The following ZBTB41 variants were observed in gnomAD, a reference collection of about 807,000 sequenced individuals.
ZBTB41 encodes zinc finger and BTB domain-containing protein 41.
In ZBTB41, 42 loss-of-function variants were observed where a neutral mutation model predicts 87.6. The observed-to-expected ratio is 0.48, with a 90% CI of 0.37 to 0.62. The LOEUF (loss-of-function observed/expected upper bound fraction) is 0.62. Ranked by LOEUF, ZBTB41 falls within the 20% of genes least tolerant of loss-of-function variation. The probability of loss-of-function intolerance (pLI) is 0.00; values close to 1 mark genes in which losing one functional copy is unlikely to be tolerated. For missense variants in ZBTB41, 799 were observed against 1,078.9 expected, an observed-to-expected ratio of 0.74 and a Z score of 3.63; for synonymous variants, 364 against 364.0, an observed-to-expected ratio of 1.00 and a Z score of 0.00.
At chr1:197,164,637 C>T (rs1659272368) in intron 10 of ZBTB41, among the ~76,000 whole-genome samples, 1 of 145,360 alleles carries the variant, frequency 6.9e-6, no homozygotes, top group Non-Finnish European at 1.5e-5. Flanking sequence ...TATAAAAGAC[C>T]ATTCAACAGA....
In ZBTB41 at chr1:197,191,747, G is replaced by A; in HGVS notation, c.1273C>T (p.Pro425Ser). 1 of 1,613,506 alleles carries A rather than the reference G, an allele frequency of 6.2e-7. No homozygotes were observed. Among genetic ancestry groups the A allele is most frequent in the Admixed American group, 1.7e-5 (1 of 59,974 alleles). Residue 425 changes from proline (P) to serine (S), a missense_variant, in exon 3 of 11, where the codon CCT becomes TCT. Physicochemically the swap from Pro to Ser is moderately conservative, Grantham distance 74 (BLOSUM62 -1). Transcript: ENST00000367405. ...CTTGCATGAAGTTTATTACAATAAG[G>A]GCACTTGTGCTCCTTCTTATGAAAT... Reference protein sequence around the residue: ...TEFHKKEHKCPYCNKLHASKK... With the variant: ...TEFHKKEHKCSYCNKLHASKK...
At chr1:197,176,542 A>G in intron 8 of ZBTB41, 22 bp downstream of exon 8, 1 of 1,521,884 alleles carries the variant, frequency 6.6e-7, no homozygotes, top group Non-Finnish European at 9.1e-7. Context: ...TTTTCGAACT[A>G]GCATTACAAA....
At chr1:197,194,618 G>GAA (rs71131750) in intron 2 of ZBTB41, among the ~76,000 whole-genome samples, 30,442 of 135,660 alleles carry the variant, frequency 0.22, 3,832 homozygotes, top group African/African-American at 0.36. Flanking sequence ...ATTTAAGCAA[G>GAA]AAAAAAAAAA....
At chr1:197,186,726 T>C (rs953882619) in intron 5 of ZBTB41, among the ~76,000 whole-genome samples, 4 of 152,016 alleles carry the variant, frequency 2.6e-5, no homozygotes, top group Non-Finnish European at 5.9e-5. Context: ...TAGCTGGACA[T>C]GGTGGCAGGC....
intron 2 of ZBTB41, among the ~76,000 whole-genome samples, chr1:197,199,146 A>C (rs1660236547): frequency 6.6e-6 from 1 of 152,180 alleles, no homozygotes; most frequent in Non-Finnish European, 1.5e-5. Flanking sequence ...GATGAAGAAA[A>C]GTAAAGGCTA....
At position 197,159,065 on chromosome 1, in the gene ZBTB41, T is replaced by C; in HGVS notation, c.*294A>G. 3.5e-6 allele frequency: 1 copy of C among 286,682 alleles called. No individual in the cohort carries two copies. Among genetic ancestry groups the C allele is most frequent in the Admixed American group, 4.9e-5 (1 of 20,536 alleles). The allele number at this position is 286,682 out of a possible 1,614,324, so 17.8% of individuals were successfully genotyped here. A position where few individuals can be genotyped will look rare whatever the true frequency, so the allele number is the denominator to read the frequency against. On this transcript the variant is annotated 3_prime_UTR_variant, in exon 11 of 11. Transcript: ENST00000367405. ...AATTTCCACTGATGATTAAAAAAAATACTTCCATAATATCAGCAGCTAATA... is the reference window on the plus strand; with the variant it reads ...AATTTCCACTGATGATTAAAAAAAACACTTCCATAATATCAGCAGCTAATA...
In ZBTB41 at chr1:197,156,550, C is replaced by G. The variant is rs1248332170; in HGVS notation, c.*2809G>C. 1 of 152,128 alleles carries G rather than the reference C, an allele frequency of 6.6e-6. No individual in the cohort carries two copies. Among genetic ancestry groups the G allele is most frequent in the East Asian group, 1.9e-4 (1 of 5,194 alleles). The allele number at this position is 152,128 out of a possible 1,614,324, so 9.4% of individuals were successfully genotyped here. Reference sequence around the variant, plus strand: ...TGGATTAGAGTTATAGAGCATTTGTCCAAAATACTCTAAATCAAATATTAC... The same window carrying G: ...TGGATTAGAGTTATAGAGCATTTGTGCAAAATACTCTAAATCAAATATTAC... On this transcript the variant is annotated 3_prime_UTR_variant, in exon 11 of 11. Coordinates refer to ENST00000367405, the MANE Select transcript of ZBTB41 (RefSeq NM_194314.3).
chr1:197,191,927 A>G, intron 2 of ZBTB41, 28 bp from the exon 3 acceptor site: 3 of 1,515,088 alleles, frequency 2.0e-6, no homozygotes, highest in Non-Finnish European at 2.7e-6. Flanking sequence ...TTAAAATTAA[A>G]TTTAGTACAT....
rs1226617679 is a variant in ZBTB41, at chr1:197,159,199, G to A, written c.*160C>T. On this transcript the variant is annotated 3_prime_UTR_variant, in exon 11 of 11. Transcript: ENST00000367405. ...CCAGAAATTTTGTCCAAATATTCATGTTCAGTAAACAGAGACACATAGTTT... is the reference window on the plus strand; with the variant it reads ...CCAGAAATTTTGTCCAAATATTCATATTCAGTAAACAGAGACACATAGTTT... 1.5e-6 allele frequency: 1 copy of A among 673,970 alleles called. No individual in the cohort carries two copies. Among genetic ancestry groups the A allele is most frequent in the East Asian group, 2.8e-5 (1 of 36,268 alleles). 41.7% of individuals were successfully genotyped at this position (673,970 alleles called of 1,614,324 possible).
intron 2 of ZBTB41, among the ~76,000 whole-genome samples, chr1:197,196,309 A>C (rs190601742): frequency 1.3e-5 from 2 of 152,284 alleles, no homozygotes. Context: ...AGATGGTAAG[A>C]GAGGACACTT....
intron 2 of ZBTB41, among the ~76,000 whole-genome samples, chr1:197,195,973 A>AG (rs1179412574): frequency 2.0e-5 from 3 of 152,300 alleles, no homozygotes; most frequent in Admixed American, 1.3e-4. Context: ...CCCACCCCAA[A>AG]GAAGCCAAGT....
In ZBTB41 at chr1:197,170,958, G is replaced by A. The variant is rs551941374; in HGVS notation, c.2074+1202C>T. 2.8e-4 allele frequency among the ~76,000 whole-genome samples: 43 copies of A among 152,212 alleles called. No homozygotes were observed. In the South Asian group the frequency reaches 8.9e-3, roughly 32 times the overall value. ...ATGTCCTCAATTTTCAAAGGGCAGA[G>A]AGACTTGTCTTCTAATTCCAATTAA... On this transcript the variant is annotated intron_variant, in intron 10 of 10. Transcript: ENST00000367405.
intron 2 of ZBTB41, among the ~76,000 whole-genome samples, chr1:197,195,330 T>C (rs1156235909): frequency 6.6e-6 from 1 of 152,194 alleles, no homozygotes; most frequent in African/African-American, 2.4e-5. Context: ...ATGAACAAAT[T>C]TGACCTTATA....
At chr1:197,168,902 C>G (rs1659412196) in intron 10 of ZBTB41, among the ~76,000 whole-genome samples, 1 of 151,494 alleles carries the variant, frequency 6.6e-6, no homozygotes, top group Non-Finnish European at 1.5e-5. Flanking sequence ...ACAGACACTC[C>G]AATTTTTAAA....
At chr1:197,201,135 G>T (rs78572810) in intron 1 of ZBTB41, among the ~76,000 whole-genome samples, 88 bp downstream of exon 1, 12,980 of 152,222 alleles carry the variant, frequency 0.085, 1,847 homozygotes, top group African/African-American at 0.29. Flanking sequence ...TCCCAGGCCC[G>T]GGCAAGGCGG....
chr1:197,159,469 G>C lies in ZBTB41; in HGVS notation c.2620C>G (p.Arg874Gly). The change falls in exon 11 of 11, where the codon CGA becomes GGA. Residue 874 changes from arginine (R) to glycine (G), a missense_variant. This residue lies in a region of ZBTB41 where 171 missense variants were observed against 191.9 expected (regional missense o/e 0.89). Transcript: ENST00000367405. ...PQPANIVHPV[R>G]PEQMLDPREQ... is the part of the protein sequence containing the mutation. ...CTAGGATCTAGCATTTGTTCAGGTC[G>C]AACTGGGTGAACTATATTTGCAGGT... 6.2e-7 allele frequency: 1 copy of C among 1,613,908 alleles called. No homozygotes were observed.
In ZBTB41 at chr1:197,200,194, C is replaced by T; in HGVS notation, c.280G>A (p.Val94Met). 6.2e-7 allele frequency: 1 copy of T among 1,613,872 alleles called. No individual in the cohort carries two copies. Among genetic ancestry groups the T allele is most frequent in the Non-Finnish European group, 8.5e-7 (1 of 1,179,998 alleles). The change falls in exon 2 of 11, where the codon GTG (valine) becomes ATG (methionine). Residue 94 changes from valine (V) to methionine (M), a missense_variant. Physicochemically the swap from Val to Met is conservative, Grantham distance 21. This residue lies in a region of ZBTB41 where 59 missense variants were observed against 120.1 expected (regional missense o/e 0.49). Coordinates refer to ENST00000367405, the MANE Select transcript of ZBTB41 (RefSeq NM_194314.3). ...TGTGCACTAAATTCTTTTCCTTCCACTATGATAAGTAAATCACAAAAAGAT... is the reference window on the plus strand; with the variant it reads ...TGTGCACTAAATTCTTTTCCTTCCATTATGATAAGTAAATCACAAAAAGAT... ...QPSFCDLLII[V>M]EGKEFSAHKV...
intron 4 of ZBTB41, among the ~76,000 whole-genome samples, chr1:197,189,944 A>C: frequency 6.6e-6 from 1 of 152,042 alleles, no homozygotes; most frequent in East Asian, 1.9e-4. Flanking sequence ...TTTGAGATGG[A>C]GTCTGGCTCT....
intron 4 of ZBTB41, 123 bp from the exon 5 acceptor site, chr1:197,188,562 C>G (rs1187508480): frequency 3.1e-6 from 3 of 973,044 alleles, no homozygotes; most frequent in Admixed American, 6.5e-5. Flanking sequence ...AGAAAACTTA[C>G]AAAAAGTAAA....
Sources: gnomAD v4.1 joint callset for allele counts (sites outside exome capture counted in the v4.1 genomes callset) on GRCh38, gnomAD v4.1.1 for gene constraint, gnomAD v4.1.1 regional missense constraint, MANE v1.5 for transcripts, NCBI Gene and HGNC (gene_info 2026-07-23, HGNC 2026-07-21) for gene names.